HGF: variants seen among roughly 807,000 people sequenced by gnomAD.
The protein encoded by HGF is fibroblast-derived tumor cytotoxic factor.
In HGF, 39 loss-of-function variants were observed where a neutral mutation model predicts 111.6. The observed-to-expected ratio is 0.35, with a 90% CI of 0.27 to 0.46. The LOEUF (loss-of-function observed/expected upper bound fraction) is 0.46. Among genes scored for constraint, HGF ranks in the 20% least tolerant of loss-of-function variants. HGF has a pLI of 1.00. For missense variants in HGF, 735 were observed against 910.5 expected, an observed-to-expected ratio of 0.81 and a Z score of 2.48; for synonymous variants, 285 against 294.8, an observed-to-expected ratio of 0.97 and a Z score of 0.34.
chr7:81,729,637 C>T lies in HGF; in HGVS notation c.1008G>A (p.Glu336=), dbSNP rs148714837. ...CQRWDSQYPH[E]HDMTPENFKC... is the part of the protein sequence containing the mutation. ...TGAAATTTTCAGGAGTCATGTCATGCTCGTGAGGATACTGAGAATCCCAAC... is the reference window on the plus strand; with the variant it reads ...TGAAATTTTCAGGAGTCATGTCATGTTCGTGAGGATACTGAGAATCCCAAC... Residue 336 remains glutamate (E), a synonymous_variant, in exon 8 of 18, where the codon GAG becomes GAA. Transcript: ENST00000222390. 2.8e-3 allele frequency: 4,479 copies of T among 1,613,782 alleles called. 9 individuals carry two copies. The highest frequency in any genetic ancestry group is 3.4e-3 in the Non-Finnish European group (4,062 of 1,179,740).
chr7:81,712,756 A>G (rs1789605961), intron 11 of HGF, among the ~76,000 whole-genome samples: 1 of 152,244 alleles, frequency 6.6e-6, no homozygotes, highest in Non-Finnish European at 1.5e-5. Context: ...CAAATAAGCC[A>G]GCAACAAACC....
At chr7:81,747,319 A>T (rs1035926443) in intron 5 of HGF, among the ~76,000 whole-genome samples, 10 of 152,296 alleles carry the variant, frequency 6.6e-5, no homozygotes, top group Admixed American at 2.6e-4. Flanking sequence ...AGCCTGGGCG[A>T]CAGAGCGAGA....
intron 7 of HGF, among the ~76,000 whole-genome samples, chr7:81,737,434 G>C (rs1004451974): frequency 1.2e-4 from 18 of 152,032 alleles, no homozygotes; most frequent in African/African-American, 4.3e-4. Context: ...GCAAGAAGTT[G>C]TTCTTAGAGC....
At chr7:81,739,128 A>G (rs948263121) in intron 7 of HGF, among the ~76,000 whole-genome samples, 1 of 152,110 alleles carries the variant, frequency 6.6e-6, no homozygotes, top group African/African-American at 2.4e-5. Flanking sequence ...CATCTACCCA[A>G]TAATTTTAAA....
intron 7 of HGF, among the ~76,000 whole-genome samples, chr7:81,735,528 T>C (rs1290666609): frequency 6.6e-6 from 1 of 152,132 alleles, no homozygotes; most frequent in Non-Finnish European, 1.5e-5. Flanking sequence ...AAATAATTTG[T>C]AAAAATTATT....
At chr7:81,707,492 A>G in intron 13 of HGF, 128 bp from the exon 14 acceptor site, 1 of 662,860 alleles carries the variant, frequency 1.5e-6, no homozygotes. Flanking sequence ...AAATTAACCC[A>G]ACTGGAATAA....
intron 6 of HGF, among the ~76,000 whole-genome samples, chr7:81,744,791 T>C (rs752111418): frequency 7.2e-5 from 11 of 152,206 alleles, no homozygotes; most frequent in Non-Finnish European, 1.5e-5. Flanking sequence ...TACCTCATCA[T>C]AAATCTTTTT....
At chr7:81,729,387 A>G (rs1303151689) in intron 8 of HGF, among the ~76,000 whole-genome samples, 1 of 152,164 alleles carries the variant, frequency 6.6e-6, no homozygotes, top group East Asian at 1.9e-4. Flanking sequence ...CTGGATCTGA[A>G]CCACCTAGGG....
intron 15 of HGF, 80 bp downstream of exon 15, chr7:81,706,207 C>A (rs1330815145): frequency 7.9e-7 from 1 of 1,265,106 alleles, no homozygotes; most frequent in Non-Finnish European, 1.2e-6. Flanking sequence ...TGAGAGAGAA[C>A]GAACTGCCAC....
intron 5 of HGF, among the ~76,000 whole-genome samples, chr7:81,750,603 T>C (rs1207425032): frequency 2.0e-5 from 3 of 152,176 alleles, no homozygotes; most frequent in Non-Finnish European, 4.4e-5. Context: ...AGTCCTATGT[T>C]AAGTAAGTAT....
At chr7:81,707,673 C>T (rs1789464707) in intron 13 of HGF, among the ~76,000 whole-genome samples, 1 of 152,038 alleles carries the variant, frequency 6.6e-6, no homozygotes, top group Non-Finnish European at 1.5e-5. Flanking sequence ...TGCATCTATC[C>T]TTGTGAGGAA....
intron 9 of HGF, among the ~76,000 whole-genome samples, chr7:81,722,010 A>AT (rs199999169): frequency 0.011 from 1,608 of 152,232 alleles, 30 homozygotes; most frequent in African/African-American, 0.035. Flanking sequence ...GTAAATAAAA[A>AT]TTTTTCCTTT....
At chr7:81,704,874 G>A (rs1404449932) in intron 17 of HGF, among the ~76,000 whole-genome samples, 3 of 151,832 alleles carry the variant, frequency 2.0e-5, no homozygotes, top group African/African-American at 7.2e-5. Context: ...GTCCAAGCTC[G>A]TAAAGTCACA....
intron 2 of HGF, 139 bp from the exon 3 acceptor site, chr7:81,758,943 A>G (rs562868002): frequency 3.4e-6 from 2 of 581,164 alleles, no homozygotes; most frequent in African/African-American, 3.8e-5. Context: ...TAATAAAAAT[A>G]TGAGTAAAAT....
chr7:81,758,850 C>G (rs200938483), intron 2 of HGF, 46 bp from the exon 3 acceptor site: 9 of 1,245,128 alleles, frequency 7.2e-6, no homozygotes, highest in African/African-American at 4.5e-5. Context: ...ACTATTTATA[C>G]AGTATTTAAA....
intron 7 of HGF, among the ~76,000 whole-genome samples, chr7:81,731,061 A>G (rs1787637750): frequency 6.6e-6 from 1 of 152,184 alleles, no homozygotes; most frequent in Non-Finnish European, 1.5e-5. Context: ...TCTCTCATAC[A>G]AACCATTTCT....
rs752743857 is a variant in HGF, at chr7:81,706,346, A to G, written c.1698T>C (p.Asn566=). 7 of 1,612,124 alleles carry G rather than the reference A, an allele frequency of 4.3e-6. No individual in the cohort carries two copies. Among genetic ancestry groups the G allele is most frequent in the East Asian group, 4.5e-5 (2 of 44,842 alleles). Residue 566 remains asparagine, a synonymous_variant, in exon 15 of 18, where the codon AAT becomes AAC. Coordinates refer to ENST00000222390, the MANE Select transcript of HGF (RefSeq NM_000601.6). Reference sequence around the variant, plus strand: ...CAGGGCCATATACCAGCTGGGAAACATTGAGAACCTGTTTGCATTTCTCAT... The same window carrying G: ...CAGGGCCATATACCAGCTGGGAAACGTTGAGAACCTGTTTGCATTTCTCAT... ...RGDEKCKQVL[N]VSQLVYGPEG...
At chr7:81,739,734 C>G (rs1787946192) in intron 7 of HGF, among the ~76,000 whole-genome samples, 1 of 151,994 alleles carries the variant, frequency 6.6e-6, no homozygotes, top group Non-Finnish European at 1.5e-5. Context: ...AACTTGAGCC[C>G]CTTAAGCAAT....
At chr7:81,753,615 T>A (rs537203513) in intron 4 of HGF, among the ~76,000 whole-genome samples, 1 of 151,964 alleles carries the variant, frequency 6.6e-6, no homozygotes, top group Non-Finnish European at 1.5e-5. Flanking sequence ...TTGACATGAG[T>A]GTATTCTAGA....
Sources: allele counts gnomAD v4.1 joint callset (sites outside exome capture counted in the v4.1 genomes callset), GRCh38; gene constraint gnomAD v4.1.1; transcripts MANE v1.5; gene names NCBI Gene and HGNC (gene_info 2026-07-23, HGNC 2026-07-21).